The following PLS1 variants were observed in gnomAD, a reference collection of about 807,000 sequenced individuals.
PLS1 encodes plastin-1.
Under a neutral mutation model 73.7 loss-of-function variants are expected in PLS1, and 32 were observed. The observed-to-expected ratio is 0.43, with a 90% CI of 0.33 to 0.58. PLS1 has a LOEUF of 0.58. PLS1 is among the 20% of genes least tolerant of loss of function. PLS1 has a pLI of 0.04. For missense variants in PLS1, 633 were observed against 740.5 expected (o/e 0.85, Z 1.68); for synonymous variants, 217 against 261.3 (o/e 0.83, Z 1.63).
At chr3:142,618,699 G>A (rs945308872) in intron 1 of PLS1, among the ~76,000 whole-genome samples, 2 of 152,064 alleles carry the variant, frequency 1.3e-5, no homozygotes, top group African/African-American at 2.4e-5. Context: ...CATAGCCAGC[G>A]ACAGTCGGTA....
chr3:142,643,480 A>G (rs1474566570), intron 1 of PLS1, among the ~76,000 whole-genome samples: 4 of 152,216 alleles, frequency 2.6e-5, no homozygotes, highest in African/African-American at 9.7e-5. Context: ...GGCATCAGAT[A>G]AGAGCCAAAT....
intron 14 of PLS1, among the ~76,000 whole-genome samples, chr3:142,707,000 A>C (rs772730404): frequency 2.0e-4 from 31 of 152,230 alleles, no homozygotes; most frequent in Non-Finnish European, 4.1e-4. Context: ...CTTGGTGATC[A>C]GTTGAATAAA....
intron 1 of PLS1, among the ~76,000 whole-genome samples, chr3:142,658,632 T>C (rs2107812209): frequency 6.6e-6 from 1 of 152,330 alleles, no homozygotes; most frequent in Non-Finnish European, 1.5e-5. Flanking sequence ...AAGCAACATA[T>C]ATAGTATTTT....
chr3:142,701,702 T>C (rs2038335442), intron 12 of PLS1, among the ~76,000 whole-genome samples: 1 of 152,254 alleles, frequency 6.6e-6, no homozygotes, highest in African/African-American at 2.4e-5. Flanking sequence ...CTTAGGCCTC[T>C]ATACTAGCAA....
intron 1 of PLS1, among the ~76,000 whole-genome samples, chr3:142,647,870 C>G (rs1454067006): frequency 6.6e-6 from 1 of 152,012 alleles, no homozygotes; most frequent in Admixed American, 6.5e-5. Flanking sequence ...GGTTCTAGTT[C>G]ATTTTGAGAG....
At chr3:142,678,003 A>T in intron 5 of PLS1, 29 bp from the exon 6 acceptor site, 1 of 1,164,022 alleles carries the variant, frequency 8.6e-7, no homozygotes, top group Non-Finnish European at 1.2e-6. Context: ...TTGGAGTATT[A>T]AACTAAATTA....
chr3:142,596,983 G>A (rs957608988), intron 1 of PLS1, among the ~76,000 whole-genome samples: 1 of 151,930 alleles, frequency 6.6e-6, no homozygotes, highest in African/African-American at 2.4e-5. Flanking sequence ...CTCTGGATGC[G>A]GCATAAAAAT....
intron 1 of PLS1, among the ~76,000 whole-genome samples, chr3:142,637,018 G>T (rs1452122184): frequency 6.6e-6 from 1 of 152,146 alleles, no homozygotes; most frequent in African/African-American, 2.4e-5. Context: ...ATCTTAAAAA[G>T]TCAAATATAC....
intron 1 of PLS1, among the ~76,000 whole-genome samples, chr3:142,644,271 G>A (rs2036904855): frequency 6.6e-6 from 1 of 150,462 alleles, no homozygotes. Context: ...TTTTTTTTGA[G>A]ACAGGGTCTC....
chr3:142,661,068 A>G (rs1478878162), intron 1 of PLS1, among the ~76,000 whole-genome samples: 1 of 152,192 alleles, frequency 6.6e-6, no homozygotes, highest in Non-Finnish European at 1.5e-5. Flanking sequence ...ACAGGAAAGG[A>G]TATGCAGGAT....
chr3:142,596,813 A>T (rs1454576687), intron 1 of PLS1, among the ~76,000 whole-genome samples: 1 of 152,134 alleles, frequency 6.6e-6, no homozygotes, highest in East Asian at 1.9e-4. Flanking sequence ...TTCTTCTTTC[A>T]ACTTTGGGTG....
In PLS1 at chr3:142,686,303, A is replaced by G. The variant is rs149076055; in HGVS notation, c.908A>G (p.His303Arg). ...TTGAAGGACTCGAGAGCCTATTTTC[A>G]TCTGCTTAATCAGATTGCCCCTAAA... ...QDIKDSRAYF[H>R]LLNQIAPKGG... The change falls in exon 9 of 16, where the codon CAT becomes CGT. Residue 303 changes from histidine (H) to arginine (R), a missense_variant. Transcript: ENST00000457734. 5.0e-6 allele frequency: 8 copies of G among 1,606,220 alleles called. No individual in the cohort carries two copies. In the African/African-American group the frequency reaches 9.4e-5, roughly 19 times the overall value.
intron 1 of PLS1, among the ~76,000 whole-genome samples, chr3:142,659,278 G>A (rs972864411): frequency 2.6e-5 from 4 of 152,106 alleles, no homozygotes; most frequent in African/African-American, 4.8e-5. Context: ...CCTGTGACAG[G>A]GCCACTGTGG....
At chr3:142,682,902 A>C (rs911289840) in intron 6 of PLS1, among the ~76,000 whole-genome samples, 3 of 152,192 alleles carry the variant, frequency 2.0e-5, no homozygotes, top group Non-Finnish European at 2.9e-5. Flanking sequence ...TGAGGTTATA[A>C]AAATATTGAA....
intron 10 of PLS1, among the ~76,000 whole-genome samples, 189 bp downstream of exon 10, chr3:142,690,002 A>G (rs1481983261): frequency 2.0e-5 from 3 of 152,166 alleles, no homozygotes; most frequent in Non-Finnish European, 2.9e-5. Flanking sequence ...GCTGGGGTAA[A>G]TCTTTTATTT....
At chr3:142,647,023 G>A (rs555972437) in intron 1 of PLS1, among the ~76,000 whole-genome samples, 15 of 152,142 alleles carry the variant, frequency 9.9e-5, no homozygotes, top group African/African-American at 2.6e-4. Context: ...TGACCTATTC[G>A]GGTGGAAAAA....
chr3:142,624,103 A>G (rs4582093), intron 1 of PLS1, among the ~76,000 whole-genome samples: 38,486 of 152,100 alleles, frequency 0.25, 6,924 homozygotes, highest in African/African-American at 0.52. Flanking sequence ...AGTAATACAG[A>G]ATATCTCCAG....
chr3:142,651,431 C>T (rs1344899762), intron 1 of PLS1, among the ~76,000 whole-genome samples: 5 of 140,530 alleles, frequency 3.6e-5, no homozygotes, highest in Admixed American at 2.3e-4. Flanking sequence ...CATTGCACTC[C>T]GGCCTGGATG....
In PLS1 at chr3:142,651,181, C is replaced by T. The variant is rs533765993; in HGVS notation, c.-36-13021C>T. ...TACTTTTAAGAGATGGAGACAGGGC[C>T]GGGCACAGTGGCTAACGCATGTAAT... On this transcript the variant is annotated intron_variant, in intron 1 of 15. Coordinates refer to ENST00000457734, the MANE Select transcript of PLS1 (RefSeq NM_001145319.2). 4.6e-5 allele frequency among the ~76,000 whole-genome samples: 7 copies of T among 151,800 alleles called. No individual in the cohort carries two copies. In the South Asian group the frequency reaches 6.3e-4, roughly 14 times the overall value.
Sources: allele counts gnomAD v4.1 joint callset (sites outside exome capture counted in the v4.1 genomes callset), GRCh38; gene constraint gnomAD v4.1.1; transcripts MANE v1.5; gene names NCBI Gene and HGNC (gene_info 2026-07-23, HGNC 2026-07-21).